EHMT1: variants seen among roughly 807,000 people sequenced by gnomAD.
The protein encoded by EHMT1 is histone-lysine N-methyltransferase EHMT1.
Under a neutral mutation model 147.2 loss-of-function variants are expected in EHMT1, and 15 were observed. The ratio of observed to expected loss-of-function variants is 0.10; its 90% confidence interval spans 0.07 to 0.16. EHMT1 has a LOEUF of 0.16. EHMT1 is among the 10% of genes least tolerant of loss of function. The probability of loss-of-function intolerance (pLI) is 1.00; values close to 1 mark genes in which losing one functional copy is unlikely to be tolerated. For synonymous variants in EHMT1, 795 were observed against 709.6 expected (o/e 1.12, Z -1.91); for missense variants, 1,587 against 1,772.4 (o/e 0.90, Z 1.88).
intron 9 of EHMT1, among the ~76,000 whole-genome samples, chr9:137,761,506 T>C (rs995799451): frequency 2.0e-5 from 3 of 152,164 alleles, no homozygotes; most frequent in Non-Finnish European, 4.4e-5. Context: ...CAGACTGGAG[T>C]GCAGTGGCAC....
chr9:137,803,090 C>T, intron 18 of EHMT1: 2 of 1,229,948 alleles, frequency 1.6e-6, no homozygotes, highest in Non-Finnish European at 2.0e-6. Flanking sequence ...GCCTGCATGC[C>T]TGGGCAGTTT....
intron 25 of EHMT1, among the ~76,000 whole-genome samples, chr9:137,824,633 C>G (rs1955684160): frequency 2.6e-5 from 4 of 152,174 alleles, no homozygotes; most frequent in Admixed American, 2.6e-4. Context: ...GGTGGCCCAG[C>G]TGTCTTTGAG....
At chr9:137,699,196 G>A (rs1182578713) in intron 1 of EHMT1, among the ~76,000 whole-genome samples, 1 of 152,118 alleles carries the variant, frequency 6.6e-6, no homozygotes, top group African/African-American at 2.4e-5. Context: ...TTATACTGTA[G>A]GTATAATAGA....
chr9:137,731,581 G>A lies in EHMT1; in HGVS notation c.823+3052G>A, dbSNP rs751444636. Reference sequence around the variant, plus strand: ...ACAGTGTCCATACAGAGCAGGAATCGGGGTACGTCCTATCCTGTTGTCACA... The same window carrying A: ...ACAGTGTCCATACAGAGCAGGAATCAGGGTACGTCCTATCCTGTTGTCACA... On this transcript the variant is annotated intron_variant, in intron 4 of 26. Transcript: ENST00000460843. The surrounding 1 kb of genome is among the most constrained non-coding windows in gnomAD (Gnocchi z 4.3). 6.6e-6 allele frequency among the ~76,000 whole-genome samples: 1 copy of A among 152,176 alleles called. No homozygotes were observed. The highest frequency in any genetic ancestry group is 2.4e-5 in the African/African-American group (1 of 41,444).
intron 1 of EHMT1, among the ~76,000 whole-genome samples, chr9:137,653,737 A>C (rs1938120816): frequency 6.6e-6 from 1 of 152,130 alleles, no homozygotes; most frequent in African/African-American, 2.4e-5. Flanking sequence ...CATGTTGCCC[A>C]CGCTGGTCTT....
intron 25 of EHMT1, among the ~76,000 whole-genome samples, chr9:137,832,376 A>G (rs1263644988): frequency 7.0e-6 from 1 of 142,892 alleles, no homozygotes; most frequent in Non-Finnish European, 1.5e-5. Context: ...CCGTCCTAGA[A>G]TTGGCTGGGC....
At chr9:137,661,634 C>T (rs1238402291) in intron 1 of EHMT1, among the ~76,000 whole-genome samples, 2 of 151,682 alleles carry the variant, frequency 1.3e-5, no homozygotes, top group Admixed American at 6.6e-5. Flanking sequence ...TACAGGTGCG[C>T]ACCACCATGC....
intron 3 of EHMT1, among the ~76,000 whole-genome samples, chr9:137,717,544 T>C (rs1416358742): frequency 6.9e-6 from 1 of 144,506 alleles, no homozygotes; most frequent in Non-Finnish European, 1.5e-5. Context: ...TGGTGGAGAC[T>C]GCAGTGAGCC....
chr9:137,788,081 C>T (rs981919910), intron 15 of EHMT1: 31 of 1,354,868 alleles, frequency 2.3e-5, no homozygotes, highest in Middle Eastern at 2.5e-4. Flanking sequence ...CCTCCACTCT[C>T]GTGGGGCCAG....
intron 10 of EHMT1, among the ~76,000 whole-genome samples, chr9:137,768,357 T>TTG (rs1554874737): frequency 3.4e-5 from 5 of 145,322 alleles, no homozygotes; most frequent in African/African-American, 1.3e-4. Context: ...GTTTTTTTTT[T>TTG]TTTTTTTTTT....
chr9:137,711,133 G>A, intron 2 of EHMT1, 103 bp downstream of exon 2: 3 of 1,247,838 alleles, frequency 2.4e-6, no homozygotes, highest in Non-Finnish European at 3.3e-6. Flanking sequence ...GACTTTCTTT[G>A]CTTCACCTAG....
At chr9:137,765,464 A>G (rs1950151827) in intron 10 of EHMT1, among the ~76,000 whole-genome samples, 1 of 152,258 alleles carries the variant, frequency 6.6e-6, no homozygotes, top group South Asian at 2.1e-4. Flanking sequence ...AATTAAACAC[A>G]GATCCCTTGG....
intron 16 of EHMT1, chr9:137,795,273 A>G (rs1186127460): frequency 1.3e-5 from 2 of 152,224 alleles, no homozygotes; most frequent in Non-Finnish European, 2.9e-5. Flanking sequence ...AGAAAGATTA[A>G]TACAAACAAG....
At chr9:137,678,733 A>C in intron 1 of EHMT1, among the ~76,000 whole-genome samples, 1 of 144,072 alleles carries the variant, frequency 6.9e-6, no homozygotes, top group African/African-American at 2.5e-5. Context: ...CCCCCCGAAA[A>C]ACGTATTGCA....
chr9:137,747,935 C>T (rs1196654007), intron 6 of EHMT1: 3 of 151,732 alleles, frequency 2.0e-5, no homozygotes, highest in Non-Finnish European at 4.4e-5. Context: ...TGTTTGATTT[C>T]GTTCTTTCTA....
At chr9:137,625,638 G>A (rs1327387364) in intron 1 of EHMT1, among the ~76,000 whole-genome samples, 2 of 151,480 alleles carry the variant, frequency 1.3e-5, no homozygotes, top group Non-Finnish European at 1.5e-5. Context: ...GTGTGTGGCC[G>A]ACAGTTTATT....
chr9:137,728,318 G>A, intron 3 of EHMT1, 31 bp from the exon 4 acceptor site: 1 of 1,614,098 alleles, frequency 6.2e-7, no homozygotes, highest in Non-Finnish European at 8.5e-7. Flanking sequence ...TGCTTATGCA[G>A]TTATAGTTAT....
intron 1 of EHMT1, chr9:137,646,342 C>T (rs1383239325): frequency 1.0e-5 from 10 of 985,344 alleles, no homozygotes; most frequent in African/African-American, 3.5e-5. Context: ...ACAGTGGTAC[C>T]TGGCCTGAGG....
Position 137,814,527 on chromosome 9 carries a change from G to A in EHMT1, c.3258+19G>A. The A allele has an allele frequency of 1.2e-6, 2 of 1,602,730 alleles. No homozygotes were observed. Among genetic ancestry groups the A allele is most frequent in the East Asian group, 2.2e-5 (1 of 44,880 alleles). On this transcript the variant is annotated intron_variant, in intron 22 of 26. Transcript: ENST00000460843. ...CGACAAGGTGAGGGCGGCCTCGTGT[G>A]CGTGGGCTCAGGTGGTAAGTGCCGC...
Sources: allele counts gnomAD v4.1 joint callset (sites outside exome capture counted in the v4.1 genomes callset), GRCh38; gene constraint gnomAD v4.1.1; non-coding constraint Gnocchi (gnomAD v3.1); transcripts MANE v1.5; gene names NCBI Gene and HGNC (gene_info 2026-07-23, HGNC 2026-07-21).